Variants in SCLT1 observed in about 807,000 individuals in gnomAD.
SCLT1 encodes sodium channel and clathrin linker 1, also known as sodium channel-associated protein 1.
In SCLT1, 78 loss-of-function variants were observed where a neutral mutation model predicts 112.8. The ratio of observed to expected loss-of-function variants is 0.69; its 90% CI spans 0.58 to 0.83. The LOEUF (loss-of-function observed/expected upper bound fraction) is 0.83, where lower values mean the gene tolerates loss of function less well. Among genes scored for constraint, SCLT1 ranks in the 40% least tolerant of loss-of-function variants. The pLI, the probability that SCLT1 is intolerant of heterozygous loss-of-function variation, is 0.00. For synonymous variants in SCLT1, 257 were observed against 254.7 expected (o/e 1.01, Z -0.09); for missense variants, 747 against 770.4 (o/e 0.97, Z 0.36).
intron 1 of SCLT1, among the ~76,000 whole-genome samples, chr4:129,083,103 A>C (rs1331234613): frequency 1.3e-5 from 2 of 151,370 alleles, no homozygotes; most frequent in Non-Finnish European, 2.9e-5. Context: ...AGGCAGGAGA[A>C]TAACTTGTAC....
rs181211529 is a variant in SCLT1, at chr4:128,930,334, A to G, written c.1829+6321T>C. 5.6e-4 allele frequency among the ~76,000 whole-genome samples: 85 copies of G among 152,276 alleles called. 3 individuals are homozygous for G. In the East Asian group the frequency reaches 0.013, roughly 23 times the overall value. On this transcript the variant is annotated intron_variant, in intron 18 of 20. Coordinates refer to ENST00000281142, the MANE Select transcript of SCLT1 (RefSeq NM_144643.4). ...TCCACGGAGGTGTAAGCAATCTTGG[A>G]AGCAGATCCTCCAGCTCCCATTAAG...
chr4:128,957,046 T>C lies in SCLT1; in HGVS notation c.1126A>G (p.Thr376Ala), dbSNP rs1739277110. ...ETVSRFVQDA[T>A]IRTKKEVANT... is the part of the protein sequence containing the mutation. Reference sequence around the variant, plus strand: ...CTTACTTCTTTCTTGGTTCTTATGGTAGCATCTTGTACAAACCGAGAAACT... The same window carrying C: ...CTTACTTCTTTCTTGGTTCTTATGGCAGCATCTTGTACAAACCGAGAAACT... The change falls in exon 13 of 21, where the codon ACC becomes GCC. Residue 376 changes from threonine (T) to alanine (A), a missense_variant. By Grantham distance (58) the Thr-to-Ala change is moderately conservative. Around this residue, in one of 2 missense-constraint regions of SCLT1, gnomAD observed 723 missense variants for 721.3 expected, o/e 1.00. Transcript: ENST00000281142. 6.3e-7 allele frequency: 1 copy of C among 1,578,808 alleles called. No individual in the cohort carries two copies. The highest frequency in any genetic ancestry group is 1.2e-5 in the South Asian group (1 of 85,370).
chr4:128,943,172 A>C lies in SCLT1; in HGVS notation c.1456T>G (p.Ser486Ala), dbSNP rs756527243. 2 of 1,607,964 alleles carry C rather than the reference A, an allele frequency of 1.2e-6. No homozygotes were observed. Among genetic ancestry groups the C allele is most frequent in the Non-Finnish European group, 1.7e-6 (2 of 1,177,598 alleles). ...QLETDSSEEI[S>A]RYQEMIQKLQ... is the part of the protein sequence containing the mutation. ...TTCTGAATCATTTCTTGGTAACGTG[A>C]TATTTCTTCTGAGGAGCTGATTAAA... Residue 486 changes from serine to alanine, a missense_variant, in exon 17 of 21, where the codon TCA becomes GCA. Ser to Ala is a moderately conservative substitution (Grantham distance 99, BLOSUM62 1). Coordinates refer to ENST00000281142, the MANE Select transcript of SCLT1 (RefSeq NM_144643.4).
intron 9 of SCLT1, among the ~76,000 whole-genome samples, chr4:128,984,635 A>AC (rs1741938292): frequency 6.6e-6 from 1 of 152,114 alleles, no homozygotes; most frequent in Admixed American, 6.5e-5. Context: ...GTCTTTATGA[A>AC]CCAGTTTCCT....
chr4:128,970,448 C>G lies in SCLT1; in HGVS notation c.707G>C (p.Arg236Thr). 4 of 1,603,468 alleles carry G rather than the reference C, an allele frequency of 2.5e-6. No homozygotes were observed. The highest frequency in any genetic ancestry group is 3.4e-6 in the Non-Finnish European group (4 of 1,171,048). ...KKLRQAKLEL[R>T]VAVAKVEELT... Reference sequence around the variant, plus strand: ...CTCTTCCACTTTTGCTACAGCAACTCTCAGCTCTAATTTGGCTTGCCTAAA... The same window carrying G: ...CTCTTCCACTTTTGCTACAGCAACTGTCAGCTCTAATTTGGCTTGCCTAAA... The change falls in exon 10 of 21, where the codon AGA becomes ACA. Residue 236 changes from arginine to threonine, a missense_variant. Arg to Thr is a moderately conservative substitution (Grantham distance 71). This residue lies in a region of SCLT1 where 723 missense variants were observed against 721.3 expected (regional missense o/e 1.00). Transcript: ENST00000281142.
chr4:129,021,565 TG>T (rs1245325707), intron 5 of SCLT1, among the ~76,000 whole-genome samples: 1 of 152,198 alleles, frequency 6.6e-6, no homozygotes, highest in Non-Finnish European at 1.5e-5. Context: ...GTGCTGAGGC[TG>T]GGAAGTCTGG....
chr4:129,058,251 T>C (rs1052295834), intron 2 of SCLT1, among the ~76,000 whole-genome samples: 3 of 152,224 alleles, frequency 2.0e-5, no homozygotes, highest in African/African-American at 7.2e-5. Flanking sequence ...TATTATTTCT[T>C]TCCCTATACT....
chr4:128,932,155 CAAT>C (rs1736826722), intron 18 of SCLT1, among the ~76,000 whole-genome samples: 1 of 151,974 alleles, frequency 6.6e-6, no homozygotes, highest in South Asian at 2.1e-4. Flanking sequence ...TAATTCATGA[CAAT>C]AATAGATTTG....
chr4:129,022,736 A>G (rs1190313128), intron 5 of SCLT1, among the ~76,000 whole-genome samples: 6 of 152,250 alleles, frequency 3.9e-5, no homozygotes, highest in African/African-American at 1.4e-4. Flanking sequence ...GATATCATCC[A>G]GGAGAACTTC....
At chr4:128,908,201 G>A (rs901832771) in intron 18 of SCLT1, among the ~76,000 whole-genome samples, 1 of 152,084 alleles carries the variant, frequency 6.6e-6, no homozygotes, top group Non-Finnish European at 1.5e-5. Flanking sequence ...TGAAATGATG[G>A]ATCTGCCAGC....
intron 17 of SCLT1, among the ~76,000 whole-genome samples, chr4:128,941,361 G>A (rs1737679071): frequency 6.6e-6 from 1 of 152,020 alleles, no homozygotes; most frequent in African/African-American, 2.4e-5. Context: ...CTGGTGGTGT[G>A]TAGTGTTATC....
intron 5 of SCLT1, among the ~76,000 whole-genome samples, chr4:129,025,661 C>T (rs560502969): frequency 1.2e-4 from 19 of 152,100 alleles, no homozygotes; most frequent in Non-Finnish European, 2.5e-4. Flanking sequence ...AAATAACCAG[C>T]TAACATCATA....
At chr4:129,082,011 G>A (rs75771797) in intron 2 of SCLT1, among the ~76,000 whole-genome samples, 2,195 of 152,244 alleles carry the variant, frequency 0.014, 49 homozygotes, top group African/African-American at 0.044. Flanking sequence ...TAATTTATGA[G>A]AATGCAGAGA....
rs190202595 is a variant in SCLT1 at position 129,056,655 on chromosome 4, A to G, written c.103-12604T>C. On this transcript the variant is annotated intron_variant, in intron 2 of 20. Coordinates refer to ENST00000281142, the MANE Select transcript of SCLT1 (RefSeq NM_144643.4). ...CCCACTAGTTTATTTTAGTGTATAG[A>G]AACAATACTAACTTTTGCATGTTGA... is the stretch of plus-strand genomic sequence containing the variant. Among the ~76,000 whole-genome samples the G allele has an allele frequency of 5.0e-3, 763 of 152,324 alleles. 6 individuals carry two copies. The highest frequency in any genetic ancestry group is 0.017 in the African/African-American group (717 of 41,570).
chr4:128,990,798 CT>C (rs1396573757), intron 9 of SCLT1, among the ~76,000 whole-genome samples: 2 of 148,668 alleles, frequency 1.3e-5, no homozygotes, highest in Non-Finnish European at 3.0e-5. Context: ...ACTGAACAGT[CT>C]GAAAAAAAAA....
At chr4:128,886,983 T>A (rs1022697345) in intron 20 of SCLT1, among the ~76,000 whole-genome samples, 5 of 152,210 alleles carry the variant, frequency 3.3e-5, no homozygotes, top group Non-Finnish European at 7.4e-5. Flanking sequence ...TACATATCTG[T>A]CTAAATATCT....
intron 18 of SCLT1, among the ~76,000 whole-genome samples, chr4:128,893,725 TAG>T (rs1325565214): frequency 1.3e-5 from 2 of 152,038 alleles, no homozygotes; most frequent in African/African-American, 4.8e-5. Flanking sequence ...GTATTTTTAG[TAG>T]AGATGAGGTT....
chr4:128,914,757 T>G (rs1258747275), intron 18 of SCLT1, among the ~76,000 whole-genome samples: 1 of 152,176 alleles, frequency 6.6e-6, no homozygotes, highest in African/African-American at 2.4e-5. Context: ...TAGGTTGTTT[T>G]CAAGATCATG....
intron 5 of SCLT1, among the ~76,000 whole-genome samples, chr4:129,010,487 T>C (rs1350812479): frequency 1.3e-5 from 2 of 152,258 alleles, no homozygotes; most frequent in Non-Finnish European, 1.5e-5. Context: ...TAGCATTAGA[T>C]GTATAAATTG....
Sources: gnomAD v4.1 joint callset for allele counts (sites outside exome capture counted in the v4.1 genomes callset) on GRCh38, gnomAD v4.1.1 for gene constraint, gnomAD v4.1.1 regional missense constraint, MANE v1.5 for transcripts, NCBI Gene and HGNC (gene_info 2026-07-23, HGNC 2026-07-21) for gene names.